Variants in GTF2A1L observed in about 807,000 individuals in gnomAD.
GTF2A1L encodes TFIIA-alpha and beta-like factor.
Under a neutral mutation model 49.7 loss-of-function variants are expected in GTF2A1L, and 48 were observed. The observed-to-expected ratio is 0.97, with a 90% CI of 0.77 to 1.23. The LOEUF is 1.23. GTF2A1L is among the 50% of genes most tolerant of loss of function. GTF2A1L has a pLI of 0.00. For synonymous variants in GTF2A1L, 246 were observed against 193.5 expected (o/e 1.27, Z -2.25); for missense variants, 736 against 564.8 (o/e 1.30, Z -3.07).
At chr2:48,638,228 T>G (rs935123647) in intron 3 of GTF2A1L, among the ~76,000 whole-genome samples, 10 of 152,166 alleles carry the variant, frequency 6.6e-5, no homozygotes, top group African/African-American at 2.4e-4. Context: ...CAGCTAATTC[T>G]GTGAGGCCAG....
At chr2:48,675,202 C>A (rs1679401025) in intron 8 of GTF2A1L, among the ~76,000 whole-genome samples, 1 of 152,036 alleles carries the variant, frequency 6.6e-6, no homozygotes, top group South Asian at 2.1e-4. Flanking sequence ...TTTTGTTATG[C>A]CACTCTGCTA....
In GTF2A1L at chr2:48,620,847, G is replaced by A; in HGVS notation, c.22-4G>A. The A allele has an allele frequency of 7.2e-7, 1 of 1,383,004 alleles. No individual in the cohort carries two copies. The highest frequency in any genetic ancestry group is 9.4e-7 in the Non-Finnish European group (1 of 1,066,048). The allele number at this position is 1,383,004 out of a possible 1,614,324, so 85.7% of individuals were successfully genotyped here. On this transcript the variant is annotated splice_polypyrimidine_tract_variant and splice_region_variant and intron_variant, in intron 1 of 8. Coordinates refer to ENST00000403751, the MANE Select transcript of GTF2A1L (RefSeq NM_006872.5). ...ATGAAACTTTAACAATTGCTTTTATGTAGCCTAAACTCTACAGATCTGTAA... is the reference window on the plus strand; with the variant it reads ...ATGAAACTTTAACAATTGCTTTTATATAGCCTAAACTCTACAGATCTGTAA...
intron 6 of GTF2A1L, among the ~76,000 whole-genome samples, chr2:48,659,510 C>T (rs1678372120): frequency 6.6e-6 from 1 of 151,966 alleles, no homozygotes; most frequent in Non-Finnish European, 1.5e-5. Context: ...TCTGCAAACA[C>T]TCTTGTTGGG....
intron 6 of GTF2A1L, among the ~76,000 whole-genome samples, chr2:48,650,319 G>A (rs1274370099): frequency 6.6e-6 from 1 of 152,056 alleles, no homozygotes; most frequent in East Asian, 1.9e-4. Flanking sequence ...AAAAAAAAGT[G>A]CAGGTCTACC....
At chr2:48,669,188 C>G (rs918965858) in intron 6 of GTF2A1L, among the ~76,000 whole-genome samples, 3 of 152,120 alleles carry the variant, frequency 2.0e-5, no homozygotes, top group Non-Finnish European at 4.4e-5. Context: ...CTTTTCATTC[C>G]CCTCTTCATA....
At chr2:48,643,063 T>C (rs74781222) in intron 4 of GTF2A1L, among the ~76,000 whole-genome samples, 3,648 of 152,352 alleles carry the variant, frequency 0.024, 71 homozygotes, top group South Asian at 0.051. Flanking sequence ...TAATACACTA[T>C]ATAATGTTAT....
intron 6 of GTF2A1L, among the ~76,000 whole-genome samples, chr2:48,648,217 T>C (rs533919265): frequency 6.6e-6 from 1 of 150,630 alleles, no homozygotes; most frequent in South Asian, 2.1e-4. Flanking sequence ...AAATGTTTTA[T>C]TGAGGTTTTT....
rs1414693236 is a variant in GTF2A1L, at chr2:48,617,874, C to T, written c.-1C>T. The T allele has an allele frequency of 3.2e-6, 5 of 1,551,724 alleles. No homozygotes were observed. Among genetic ancestry groups the T allele is most frequent in the South Asian group, 2.4e-5 (2 of 84,072 alleles). On this transcript the variant is annotated 5_prime_UTR_variant, in exon 1 of 9. Coordinates refer to ENST00000403751, the MANE Select transcript of GTF2A1L (RefSeq NM_006872.5). ...AAGGGCCAGGTGCTGGAGGTGCTGT[C>T]ATGGCCTGCCTCAACCCGGTGGTAA...
At chr2:48,670,076 C>T in intron 7 of GTF2A1L, 94 bp downstream of exon 7, 2 of 1,474,962 alleles carry the variant, frequency 1.4e-6, no homozygotes, top group Non-Finnish European at 1.8e-6. Context: ...CAAGATTAAT[C>T]TTTTCTTTAC....
At chr2:48,675,061 T>C (rs1024936776) in intron 8 of GTF2A1L, among the ~76,000 whole-genome samples, 1 of 152,202 alleles carries the variant, frequency 6.6e-6, no homozygotes. Context: ...AGAAAAACTT[T>C]CCAGTGCTGG....
At chr2:48,660,569 A>G (rs1189646980) in intron 6 of GTF2A1L, among the ~76,000 whole-genome samples, 1 of 151,980 alleles carries the variant, frequency 6.6e-6, no homozygotes, top group African/African-American at 2.4e-5. Flanking sequence ...GTAAGTGTTC[A>G]TAGTTTTCTC....
At chr2:48,656,346 C>CCGG in intron 6 of GTF2A1L, among the ~76,000 whole-genome samples, 1 of 69,404 alleles carries the variant, frequency 1.4e-5, no homozygotes, top group African/African-American at 6.9e-5. Flanking sequence ...CGCTTATTTT[C>CCGG]TGTTTTTTTT....
rs142025200 is a variant in GTF2A1L at position 48,653,320 on chromosome 2, A to G, written c.978+6278A>G. On this transcript the variant is annotated intron_variant, in intron 6 of 8. Transcript: ENST00000403751. ...TTAAAAGGTAGCTTTTAGATTTACC[A>G]TATGAATTTTGGCAAACATGAAGTT... Among the ~76,000 whole-genome samples, 515 of 152,264 alleles carry G rather than the reference A, an allele frequency of 3.4e-3. 2 individuals carry two copies. Among genetic ancestry groups the G allele is most frequent in the African/African-American group, 0.012 (487 of 41,566 alleles).
At position 48,621,039 on chromosome 2, in the gene GTF2A1L, T is replaced by C. The variant is rs1460720021; in HGVS notation, c.123+87T>C. ...GATATAGTTCTGATCTCTCAAATTATAGTTTAGTACTTACCCATTCATTGT... is the reference window on the plus strand; with the variant it reads ...GATATAGTTCTGATCTCTCAAATTACAGTTTAGTACTTACCCATTCATTGT... On this transcript the variant is annotated intron_variant, in intron 2 of 8. Coordinates refer to ENST00000403751, the MANE Select transcript of GTF2A1L (RefSeq NM_006872.5). 13 of 1,509,096 alleles carry C rather than the reference T, an allele frequency of 8.6e-6. No individual in the cohort carries two copies. In the South Asian group the frequency reaches 1.7e-4, roughly 20 times the overall value. 93.5% of individuals were successfully genotyped at this position (1,509,096 alleles called of 1,614,324 possible).
intron 2 of GTF2A1L, 45 bp from the exon 3 acceptor site, chr2:48,621,122 G>A: frequency 6.3e-7 from 1 of 1,578,504 alleles, no homozygotes; most frequent in South Asian, 1.2e-5. Flanking sequence ...ATCATTATAT[G>A]TGTATATATT....
At chr2:48,658,036 T>G (rs1211143419) in intron 6 of GTF2A1L, among the ~76,000 whole-genome samples, 1 of 152,202 alleles carries the variant, frequency 6.6e-6, no homozygotes, top group African/African-American at 2.4e-5. Context: ...TTGTGAATAT[T>G]TTCTCTAATT....
chr2:48,638,741 A>G (rs552973858), intron 3 of GTF2A1L, among the ~76,000 whole-genome samples: 17 of 152,310 alleles, frequency 1.1e-4, no homozygotes, highest in African/African-American at 4.1e-4. Context: ...AGGCAAGACA[A>G]AGAAATAAAG....
chr2:48,623,663 C>T (rs572936692), intron 3 of GTF2A1L, among the ~76,000 whole-genome samples: 46 of 152,290 alleles, frequency 3.0e-4, no homozygotes, highest in South Asian at 8.3e-4. Context: ...GGAATCAACT[C>T]AACCCATACA....
intron 5 of GTF2A1L, 44 bp downstream of exon 5, chr2:48,645,161 C>T: frequency 6.5e-7 from 1 of 1,541,034 alleles, no homozygotes; most frequent in East Asian, 2.3e-5. Context: ...AGCATTGGTA[C>T]TATTTTTTGG....
Sources: allele counts gnomAD v4.1 joint callset (sites outside exome capture counted in the v4.1 genomes callset), GRCh38; gene constraint gnomAD v4.1.1; transcripts MANE v1.5; gene names NCBI Gene and HGNC (gene_info 2026-07-23, HGNC 2026-07-21).